Variants in CSMD1 observed in about 807,000 individuals in gnomAD.
CSMD1 encodes CUB and Sushi multiple domains 1.
In CSMD1, 213 loss-of-function variants were observed where a neutral mutation model predicts 417.5. The ratio of observed to expected loss-of-function variants is 0.51; its 90% CI spans 0.46 to 0.57. The LOEUF is 0.57. Among genes scored for constraint, CSMD1 ranks in the 20% least tolerant of loss-of-function variants. The pLI, the probability that CSMD1 is intolerant of heterozygous loss-of-function variation, is 0.00. For synonymous variants in CSMD1, 2,862 were observed against 1,736.8 expected, an observed-to-expected ratio of 1.65 and a Z score of -16.11; for missense variants, 6,923 against 4,529.7, an observed-to-expected ratio of 1.53 and a Z score of -15.17.
chr8:4,597,234 T>C (rs1383271282), intron 2 of CSMD1, among the ~76,000 whole-genome samples: 2 of 152,124 alleles, frequency 1.3e-5, no homozygotes, highest in Non-Finnish European at 2.9e-5. Context: ...CTAATAACAA[T>C]AGTGGTGATA....
At chr8:4,875,416 G>T (rs1028737778) in intron 1 of CSMD1, among the ~76,000 whole-genome samples, 2 of 152,010 alleles carry the variant, frequency 1.3e-5, no homozygotes. Flanking sequence ...TGTTAAACAG[G>T]GGAGGGAGTT....
chr8:3,479,013 C>G (rs925984474), intron 11 of CSMD1, among the ~76,000 whole-genome samples: 1 of 152,054 alleles, frequency 6.6e-6, no homozygotes, highest in Non-Finnish European at 1.5e-5. Context: ...CTCCCCAAGC[C>G]CACCCAACCC....
chr8:3,189,124 A>G (rs1796266500), intron 34 of CSMD1, 113 bp from the exon 35 acceptor site: 3 of 960,590 alleles, frequency 3.1e-6, no homozygotes, highest in Non-Finnish European at 3.0e-6. Context: ...TACATGAACA[A>G]TGATACGTTA....
intron 5 of CSMD1, among the ~76,000 whole-genome samples, chr8:3,822,709 A>G (rs1006619642): frequency 2.0e-5 from 3 of 152,140 alleles, no homozygotes; most frequent in African/African-American, 7.2e-5. Context: ...TGGGCAGGTG[A>G]CACCCTAAAG....
At chr8:4,735,771 A>G (rs1341600378) in intron 1 of CSMD1, among the ~76,000 whole-genome samples, 1 of 152,094 alleles carries the variant, frequency 6.6e-6, no homozygotes, top group South Asian at 2.1e-4. Context: ...TTGTCAGCCG[A>G]GGATTTGAAT....
chr8:3,448,338 AGG>A (rs1195536560), intron 12 of CSMD1, among the ~76,000 whole-genome samples: 1 of 32,384 alleles, frequency 3.1e-5, no homozygotes, highest in African/African-American at 1.5e-4. Context: ...CAAGGGAGGG[AGG>A]GAGGGAGGAA....
chr8:3,835,711 T>C (rs1004324259), intron 5 of CSMD1, among the ~76,000 whole-genome samples: 31 of 86,502 alleles, frequency 3.6e-4, no homozygotes, highest in Non-Finnish European at 6.9e-4. Flanking sequence ...TAAAGTATAA[T>C]AAAATTAACA....
intron 5 of CSMD1, among the ~76,000 whole-genome samples, chr8:3,862,367 C>G (rs1313336400): frequency 6.6e-6 from 1 of 151,196 alleles, no homozygotes; most frequent in Non-Finnish European, 1.5e-5. Flanking sequence ...CAGATTTATC[C>G]TCTGATGTGG....
chr8:3,481,337 T>G (rs573601123), intron 11 of CSMD1, among the ~76,000 whole-genome samples: 21 of 152,086 alleles, frequency 1.4e-4, no homozygotes, highest in Non-Finnish European at 3.1e-4. Flanking sequence ...TTGCTTACCA[T>G]GAGTTCCATA....
Position 3,731,435 on chromosome 8 carries a change from T to C in CSMD1, c.931+22495A>G, listed in dbSNP as rs144185650. ...TGGGATTCTTTACCTGGCATGGTCA[T>C]GATAATGACTACCAGTTTTAACCCC... is the stretch of plus-strand genomic sequence containing the variant. On this transcript the variant is annotated intron_variant, in intron 6 of 69. Coordinates refer to ENST00000635120, the MANE Select transcript of CSMD1 (RefSeq NM_033225.6). 4.1e-3 allele frequency among the ~76,000 whole-genome samples: 623 copies of C among 152,306 alleles called. 4 individuals carry two copies. The highest frequency in any genetic ancestry group is 0.014 in the African/African-American group (591 of 41,568).
intron 3 of CSMD1, among the ~76,000 whole-genome samples, chr8:4,296,736 TG>T (rs1384073488): frequency 6.8e-6 from 1 of 146,976 alleles, no homozygotes; most frequent in African/African-American, 2.5e-5. Flanking sequence ...TACACTCTAT[TG>T]GGTATATTTC....
chr8:3,132,758 C>A (rs1321360677), intron 41 of CSMD1, among the ~76,000 whole-genome samples: 1 of 152,194 alleles, frequency 6.6e-6, no homozygotes, highest in African/African-American at 2.4e-5. Flanking sequence ...CCTTCCCTCA[C>A]TCTCTCCTAA....
intron 25 of CSMD1, among the ~76,000 whole-genome samples, chr8:3,300,957 TCAAAAAAAAAAAAAAAAAAAAAA>T (rs1804348325): frequency 9.9e-5 from 1 of 10,070 alleles, no homozygotes; most frequent in Non-Finnish European, 2.0e-4. Context: ...AGACTCTGTC[TCAAAAAAAAAAAAAAAAAAAAAA>T]AGAGAAAGAA....
intron 21 of CSMD1, among the ~76,000 whole-genome samples, chr8:3,354,925 A>C (rs1274265743): frequency 6.6e-6 from 1 of 151,362 alleles, no homozygotes; most frequent in Admixed American, 6.6e-5. Flanking sequence ...ATGTCTATCT[A>C]TAGATATAGA....
chr8:4,704,146 A>G (rs1807766488), intron 1 of CSMD1, among the ~76,000 whole-genome samples: 1 of 152,204 alleles, frequency 6.6e-6, no homozygotes, highest in South Asian at 2.1e-4. Context: ...CCCGTGATCT[A>G]GCTAAATACT....
intron 1 of CSMD1, among the ~76,000 whole-genome samples, chr8:4,775,116 A>G (rs1326464836): frequency 1.3e-5 from 2 of 152,226 alleles, no homozygotes; most frequent in Non-Finnish European, 2.9e-5. Context: ...AAATATTTAA[A>G]ATAATATGTG....
intron 5 of CSMD1, among the ~76,000 whole-genome samples, chr8:3,812,075 A>G (rs1426415955): frequency 6.6e-6 from 1 of 152,182 alleles, no homozygotes; most frequent in Non-Finnish European, 1.5e-5. Context: ...TTCATCAGTC[A>G]CTGGGGTAAT....
At chr8:3,644,448 G>GA (rs1334094510) in intron 7 of CSMD1, among the ~76,000 whole-genome samples, 2 of 152,194 alleles carry the variant, frequency 1.3e-5, no homozygotes, top group African/African-American at 4.8e-5. Flanking sequence ...ACGGTAGAAA[G>GA]AAAAGAGAGC....
At chr8:4,367,794 C>A (rs1802170417) in intron 3 of CSMD1, among the ~76,000 whole-genome samples, 1 of 151,996 alleles carries the variant, frequency 6.6e-6, no homozygotes, top group Admixed American at 6.6e-5. Context: ...TAAGTTATAT[C>A]CCTAGGTATT....
Sources: allele counts gnomAD v4.1 joint callset (sites outside exome capture counted in the v4.1 genomes callset), GRCh38; gene constraint gnomAD v4.1.1; transcripts MANE v1.5; gene names NCBI Gene and HGNC (gene_info 2026-07-23, HGNC 2026-07-21).